RSPH14: variants seen among roughly 807,000 people sequenced by gnomAD.
RSPH14 encodes the protein rhabdoid tumor deletion region gene 1.
In RSPH14, 20 loss-of-function variants were observed where a neutral mutation model predicts 26.7. That is an observed-to-expected ratio of 0.75 (90% CI 0.53 to 1.09). The LOEUF is 1.09. Among genes scored for constraint, RSPH14 ranks in the 50% least tolerant of loss-of-function variants. RSPH14 has a pLI of 0.00. For synonymous variants in RSPH14, 177 were observed against 189.3 expected (o/e 0.93, Z 0.53); for missense variants, 449 against 457.2 (o/e 0.98, Z 0.16).
At chr22:23,070,111 C>A (rs1354283286) in intron 4 of RSPH14, among the ~76,000 whole-genome samples, 2 of 152,060 alleles carry the variant, frequency 1.3e-5, no homozygotes, top group African/African-American at 2.4e-5. Flanking sequence ...TGCGGGACTG[C>A]GGCGCGCGCG....
intron 1 of RSPH14, among the ~76,000 whole-genome samples, chr22:23,140,945 G>A (rs2070588284): frequency 6.6e-6 from 1 of 152,176 alleles, no homozygotes; most frequent in Admixed American, 6.5e-5. Flanking sequence ...AAGACTAGAA[G>A]CCAGTGTTCA....
the RSPH14 span, among the ~76,000 whole-genome samples, chr22:23,179,300 C>T: frequency 6.6e-6 from 1 of 152,158 alleles, no homozygotes; most frequent in Non-Finnish European, 1.5e-5. Context: ...GGACTCAAGC[C>T]CAGTAATTCA....
intron 4 of RSPH14, chr22:23,124,440 G>A (rs780767821): frequency 1.3e-5 from 6 of 468,940 alleles, no homozygotes; most frequent in South Asian, 6.2e-5. Context: ...CGCCAGCCTC[G>A]CGGGACACGT....
At chr22:23,179,299 C>G in the RSPH14 span, among the ~76,000 whole-genome samples, 5 of 152,172 alleles carry the variant, frequency 3.3e-5, no homozygotes, top group Non-Finnish European at 2.9e-5. Context: ...AGGACTCAAG[C>G]CCAGTAATTC....
chr22:23,141,832 G>T (rs1040701916), intron 1 of RSPH14, 117 bp downstream of exon 1: 1 of 321,622 alleles, frequency 3.1e-6, no homozygotes, highest in Non-Finnish European at 4.5e-6. Flanking sequence ...GGGAGAGTCC[G>T]GCCGGAGACA....
upstream of RSPH14, chr22:23,145,422 G>A: frequency 6.2e-7 from 1 of 1,610,644 alleles, no homozygotes; most frequent in Non-Finnish European, 8.5e-7. Context: ...GTCCAACGCA[G>A]ACCCCGCCCA....
At chr22:23,153,914 C>G in the RSPH14 span, among the ~76,000 whole-genome samples, 1 of 152,204 alleles carries the variant, frequency 6.6e-6, no homozygotes, top group East Asian at 1.9e-4. Flanking sequence ...ATCTCGAACT[C>G]CTGACCTCAA....
At chr22:23,094,049 A>T (rs1051879916) in intron 4 of RSPH14, among the ~76,000 whole-genome samples, 8 of 152,310 alleles carry the variant, frequency 5.3e-5, no homozygotes, top group Admixed American at 2.6e-4. Flanking sequence ...GATGCTGGTC[A>T]CACCCAGGAG....
chr22:23,169,473 C>T, the RSPH14 span, among the ~76,000 whole-genome samples: 7 of 152,332 alleles, frequency 4.6e-5, no homozygotes, highest in Non-Finnish European at 8.8e-5. Flanking sequence ...CAAAAGCTCA[C>T]GCAGGCTTTT....
upstream of RSPH14, chr22:23,145,559 A>T: frequency 1.3e-6 from 2 of 1,598,266 alleles, no homozygotes; most frequent in Non-Finnish European, 8.5e-7. Context: ...CTGGTGAGTC[A>T]GCTCGCCCAC....
intron 4 of RSPH14, chr22:23,096,337 C>T: frequency 1.9e-6 from 3 of 1,613,858 alleles, no homozygotes; most frequent in Non-Finnish European, 2.5e-6. Context: ...AGTGGATCCA[C>T]TGCTTCGAGG....
intron 4 of RSPH14, among the ~76,000 whole-genome samples, chr22:23,083,919 C>T (rs1480063728): frequency 2.0e-5 from 3 of 152,152 alleles, no homozygotes; most frequent in Non-Finnish European, 2.9e-5. Context: ...AGGAGGTTCT[C>T]CCTGGGCTTC....
chr22:23,113,302 C>T (rs919669386), intron 4 of RSPH14, among the ~76,000 whole-genome samples: 7 of 152,226 alleles, frequency 4.6e-5, no homozygotes, highest in East Asian at 1.9e-4. Flanking sequence ...GATCTTACCC[C>T]GGCTCCCACC....
chr22:23,145,522 G>T, upstream of RSPH14: 1 of 1,604,090 alleles, frequency 6.2e-7, no homozygotes. Flanking sequence ...ACCAGGCCGC[G>T]CGGAGCCCCA....
At chr22:23,171,389 TAAAGCCCA>T in the RSPH14 span, among the ~76,000 whole-genome samples, 1 of 152,142 alleles carries the variant, frequency 6.6e-6, no homozygotes, top group African/African-American at 2.4e-5. Flanking sequence ...CATAGTGCAC[TAAAGCCCA>T]GAACTCCTAG....
chr22:23,144,092 C>CAAAAAAAAAAAA (rs35499128), upstream of RSPH14, among the ~76,000 whole-genome samples: 1 of 24,146 alleles, frequency 4.1e-5, no homozygotes, highest in Non-Finnish European at 9.4e-5. Context: ...GACTCCATCT[C>CAAAAAAAAAAAA]AAAAAAAAAA....
intron 4 of RSPH14, among the ~76,000 whole-genome samples, chr22:23,107,943 G>A (rs992227807): frequency 5.3e-5 from 8 of 152,298 alleles, no homozygotes; most frequent in African/African-American, 1.9e-4. Flanking sequence ...GCCTGCTGCG[G>A]GGGAGGAAGG....
At chr22:23,168,719 A>AC in the RSPH14 span, among the ~76,000 whole-genome samples, 2 of 151,720 alleles carry the variant, frequency 1.3e-5, no homozygotes, top group Non-Finnish European at 2.9e-5. Flanking sequence ...TTGTCCAGGC[A>AC]CCCCCTCAGT....
At chr22:23,125,228 AAG>A (rs776167226) in intron 4 of RSPH14, among the ~76,000 whole-genome samples, 124 of 152,254 alleles carry the variant, frequency 8.1e-4, no homozygotes, top group Admixed American at 1.4e-3. Flanking sequence ...AGAAACTGCA[AAG>A]AGGGGAAACC....
Sources: gnomAD v4.1 joint callset for allele counts (sites outside exome capture counted in the v4.1 genomes callset) on GRCh38, gnomAD v4.1.1 for gene constraint, MANE v1.5 for transcripts, NCBI Gene and HGNC (gene_info 2026-07-23, HGNC 2026-07-21) for gene names.